The following FILIP1L variants were observed in gnomAD, a reference collection of about 807,000 sequenced individuals.
The protein encoded by FILIP1L is filamin A interacting protein 1 like, also known as filamin A-interacting protein 1-like.
A neutral mutation model predicts 96.6 loss-of-function variants in FILIP1L; 55 were observed. That is an observed-to-expected ratio of 0.57 (90% CI 0.46 to 0.71). FILIP1L has a LOEUF of 0.71. Among genes scored for constraint, FILIP1L ranks in the 30% least tolerant of loss-of-function variants. The probability of loss-of-function intolerance (pLI) is 0.00; values close to 1 mark genes in which losing one functional copy is unlikely to be tolerated. For synonymous variants in FILIP1L, 467 were observed against 473.9 expected (o/e 0.99, Z 0.19); for missense variants, 1,304 against 1,321.2 (o/e 0.99, Z 0.20).
At chr3:100,019,457 T>G (rs2064765090) in intron 1 of FILIP1L, among the ~76,000 whole-genome samples, 1 of 152,206 alleles carries the variant, frequency 6.6e-6, no homozygotes, top group South Asian at 2.1e-4. Context: ...GTGATGACAT[T>G]TAAAAAATAA....
At chr3:100,012,584 A>C (rs1375275854) in intron 1 of FILIP1L, among the ~76,000 whole-genome samples, 1 of 152,068 alleles carries the variant, frequency 6.6e-6, no homozygotes, top group Non-Finnish European at 1.5e-5. Context: ...CTAGTGCTTC[A>C]GGAGGATTTC....
At chr3:99,840,794 G>T (rs377702495) in intron 5 of FILIP1L, among the ~76,000 whole-genome samples, 6 of 152,182 alleles carry the variant, frequency 3.9e-5, no homozygotes, top group African/African-American at 1.4e-4. Context: ...GACTTGTCCA[G>T]GGCCTCACAG....
intron 1 of FILIP1L, among the ~76,000 whole-genome samples, chr3:100,095,995 C>T (rs2066199591): frequency 6.6e-6 from 1 of 152,056 alleles, no homozygotes; most frequent in African/African-American, 2.4e-5. Flanking sequence ...CGAAGACATA[C>T]AGATGACAAA....
intron 1 of FILIP1L, among the ~76,000 whole-genome samples, chr3:99,939,413 C>A: frequency 6.6e-6 from 1 of 152,182 alleles, no homozygotes; most frequent in Non-Finnish European, 1.5e-5. Flanking sequence ...TTCTTTATTC[C>A]AAATGAAACA....
At position 99,899,863 on chromosome 3, in the gene FILIP1L, G is replaced by A. The variant is rs557677974; in HGVS notation, c.605+24367C>T. Among the ~76,000 whole-genome samples, 6 of 152,116 alleles carry A rather than the reference G, an allele frequency of 3.9e-5. No homozygotes were observed. The East Asian group carries it at 5.8e-4, about 15-fold the overall frequency. ...ATGGTGAGAGTACCTTCCTCATAGG[G>A]TTGTTATATTTAAATGAGTTACAAA... On this transcript the variant is annotated intron_variant, in intron 4 of 5. Coordinates refer to ENST00000477258, the MANE Select transcript of FILIP1L (RefSeq NM_001387850.1).
rs397829321 is a variant in FILIP1L at position 99,947,137 on chromosome 3, C to CAAAAAA, written c.-10-16113_-10-16108dup. On this transcript the variant is annotated intron_variant, in intron 1 of 5. Coordinates refer to ENST00000477258, the MANE Select transcript of FILIP1L (RefSeq NM_001387850.1). The stretch of plus-strand genomic sequence containing the variant: ...TGGGCGACAGAGCAAGACTCTGTCT[C>CAAAAAA]AAAAAAAAAAAAAAAAAAAAGTAAT... 2.0e-3 allele frequency among the ~76,000 whole-genome samples: 178 copies of CAAAAAA among 88,784 alleles called. 4 individuals carry two copies. Among genetic ancestry groups the CAAAAAA allele is most frequent in the Non-Finnish European group, 3.0e-3 (145 of 47,748 alleles). The allele number at this position is 88,784 out of a possible 152,430, so 58.2% of individuals were successfully genotyped here. A position where few individuals can be genotyped will look rare whatever the true frequency, so the allele number is the denominator to read the frequency against.
intron 1 of FILIP1L, among the ~76,000 whole-genome samples, chr3:99,932,745 G>T (rs1268395479): frequency 6.6e-6 from 1 of 152,104 alleles, no homozygotes; most frequent in African/African-American, 2.4e-5. Flanking sequence ...CAAAAAATTA[G>T]CCAGGTGTGG....
intron 1 of FILIP1L, among the ~76,000 whole-genome samples, chr3:99,936,380 T>C (rs890272210): frequency 1.5e-5 from 2 of 132,456 alleles, no homozygotes; most frequent in African/African-American, 5.9e-5. Flanking sequence ...TTTTTTTTTT[T>C]TTTTTTTTTT....
In FILIP1L at chr3:99,848,777, T is replaced by G. The variant is rs745474780; in HGVS notation, c.2899A>C (p.Met967Leu). The change falls in exon 5 of 6, where the codon ATG (methionine) becomes CTG (leucine). Residue 967 changes from methionine to leucine, a missense_variant. Physicochemically the swap from Met to Leu is conservative, Grantham distance 15. Transcript: ENST00000477258. ...GGGGACATGCCTTGTTCTAAATTCA[T>G]GAGGTCTTCGGTAGAGGTTTTGGAC... ...VKSKTSTEDL[M>L]NLEQGMSPIT... is the part of the protein sequence containing the mutation. 2.4e-5 allele frequency: 39 copies of G among 1,614,034 alleles called. No individual in the cohort carries two copies. In the African/African-American group the frequency reaches 3.3e-4, roughly 14 times the overall value.
At chr3:99,897,527 T>C (rs966697164) in intron 4 of FILIP1L, among the ~76,000 whole-genome samples, 1 of 152,212 alleles carries the variant, frequency 6.6e-6, no homozygotes, top group Admixed American at 6.5e-5. Flanking sequence ...TTACTAGTTA[T>C]TTTTTTAGAT....
chr3:99,835,209 A>G (rs1481322471), intron 5 of FILIP1L, among the ~76,000 whole-genome samples: 1 of 152,224 alleles, frequency 6.6e-6, no homozygotes, highest in African/African-American at 2.4e-5. Context: ...TTCCTGGGCT[A>G]TACTTCTAAT....
chr3:99,988,724 A>C (rs142129904), intron 1 of FILIP1L, among the ~76,000 whole-genome samples: 1 of 152,328 alleles, frequency 6.6e-6, no homozygotes, highest in African/African-American at 2.4e-5. Context: ...AAACATAAAA[A>C]AAGCATTGTC....
chr3:100,025,051 G>T (rs1286251252), intron 1 of FILIP1L, among the ~76,000 whole-genome samples: 1 of 152,110 alleles, frequency 6.6e-6, no homozygotes, highest in Non-Finnish European at 1.5e-5. Flanking sequence ...TAATTAACAC[G>T]CATTTTTCTT....
chr3:99,959,644 A>AG (rs1179426327), intron 1 of FILIP1L, among the ~76,000 whole-genome samples: 1 of 152,192 alleles, frequency 6.6e-6, no homozygotes, highest in Non-Finnish European at 1.5e-5. Context: ...AAAATGCTAT[A>AG]GCCTTTTAGA....
chr3:99,911,721 T>C (rs985668699), intron 4 of FILIP1L, among the ~76,000 whole-genome samples: 1 of 152,250 alleles, frequency 6.6e-6, no homozygotes, highest in South Asian at 2.1e-4. Context: ...AATCAGATCC[T>C]TGAGCACTCT....
chr3:99,848,597 C>T lies in FILIP1L; in HGVS notation c.3079G>A (p.Ala1027Thr). The T allele has an allele frequency of 6.2e-7, 1 of 1,614,168 alleles. No individual in the cohort carries two copies. The highest frequency in any genetic ancestry group is 8.5e-7 in the Non-Finnish European group (1 of 1,180,024). Reference protein sequence around the residue: ...GRSPEPTEISAKHAIFRVSPD... With the variant: ...GRSPEPTEISTKHAIFRVSPD... ...GAGACTCTGAATATCGCATGCTTGG[C>T]ACTGATTTCTGTTGGTTCTGGGGAG... Residue 1027 changes from alanine (A) to threonine (T), a missense_variant, in exon 5 of 6, where the codon GCC (alanine) becomes ACC (threonine). Ala to Thr is a moderately conservative substitution (Grantham distance 58, BLOSUM62 0). Coordinates refer to ENST00000477258, the MANE Select transcript of FILIP1L (RefSeq NM_001387850.1).
chr3:99,947,235 C>G (rs1708039001), intron 1 of FILIP1L, among the ~76,000 whole-genome samples: 1 of 151,890 alleles, frequency 6.6e-6, no homozygotes, highest in Admixed American at 6.6e-5. Context: ...TTCAACCACG[C>G]AGAGATTTAT....
At chr3:99,956,594 G>T (rs1708326521) in intron 1 of FILIP1L, among the ~76,000 whole-genome samples, 1 of 152,184 alleles carries the variant, frequency 6.6e-6, no homozygotes, top group Admixed American at 6.5e-5. Context: ...TGATCCACCT[G>T]CCTCGGCCTT....
chr3:99,912,722 A>G (rs984614464), intron 4 of FILIP1L, among the ~76,000 whole-genome samples: 2 of 152,140 alleles, frequency 1.3e-5, no homozygotes, highest in African/African-American at 4.8e-5. Context: ...CATTACATGG[A>G]TATACCACAG....
Sources: gnomAD v4.1 joint callset for allele counts (sites outside exome capture counted in the v4.1 genomes callset) on GRCh38, gnomAD v4.1.1 for gene constraint, MANE v1.5 for transcripts, NCBI Gene and HGNC (gene_info 2026-07-23, HGNC 2026-07-21) for gene names.